The following BTBD9 variants were observed in gnomAD, a reference collection of about 807,000 sequenced individuals.
The protein encoded by BTBD9 is BTB domain containing 9.
A neutral mutation model predicts 64.3 loss-of-function variants in BTBD9; 49 were observed. The ratio of observed to expected loss-of-function variants is 0.76; its 90% CI spans 0.61 to 0.97. BTBD9 has a LOEUF of 0.97. Ranked by LOEUF, BTBD9 falls within the 50% of genes least tolerant of loss-of-function variation. BTBD9 has a pLI of 0.00. For missense variants in BTBD9, 598 were observed against 762.1 expected (o/e 0.78, Z 2.53); for synonymous variants, 260 against 274.7 (o/e 0.95, Z 0.53).
chr6:38,203,204 C>G (rs1234534245), intron 9 of BTBD9, among the ~76,000 whole-genome samples: 3 of 152,104 alleles, frequency 2.0e-5, no homozygotes, highest in African/African-American at 7.2e-5. Context: ...GAAAAAGGAA[C>G]TCTTATACAC....
intron 1 of BTBD9, among the ~76,000 whole-genome samples, chr6:38,622,694 A>G (rs1337971125): frequency 1.3e-5 from 2 of 152,166 alleles, no homozygotes; most frequent in East Asian, 1.9e-4. Flanking sequence ...TATGCATCCA[A>G]TGCAACCTGT....
chr6:38,315,200 G>T (rs181374928), intron 7 of BTBD9, among the ~76,000 whole-genome samples: 1 of 152,112 alleles, frequency 6.6e-6, no homozygotes, highest in Admixed American at 6.5e-5. Context: ...CTGGCTAAAG[G>T]TTTGTTGATT....
chr6:38,301,771 T>C (rs1020710148), intron 7 of BTBD9, among the ~76,000 whole-genome samples: 2 of 152,234 alleles, frequency 1.3e-5, no homozygotes, highest in African/African-American at 2.4e-5. Flanking sequence ...TTAGTCTTGC[T>C]AGCAGTCTAT....
At chr6:38,483,317 C>T (rs1192554400) in intron 6 of BTBD9, among the ~76,000 whole-genome samples, 1 of 152,054 alleles carries the variant, frequency 6.6e-6, no homozygotes, top group African/African-American at 2.4e-5. Context: ...TGCCCTCTCC[C>T]ATCTCCCCTC....
At chr6:38,221,676 G>C (rs1340577631) in intron 9 of BTBD9, among the ~76,000 whole-genome samples, 2 of 152,224 alleles carry the variant, frequency 1.3e-5, no homozygotes, top group African/African-American at 4.8e-5. Context: ...TCCCTCTGAA[G>C]AATAAGCAAT....
At chr6:38,246,047 T>G (rs1764186366) in intron 9 of BTBD9, among the ~76,000 whole-genome samples, 1 of 152,186 alleles carries the variant, frequency 6.6e-6, no homozygotes, top group African/African-American at 2.4e-5. Context: ...TTCATTTCCT[T>G]CTAGCTCCTT....
chr6:38,260,571 A>G (rs1764755812), intron 8 of BTBD9, among the ~76,000 whole-genome samples: 1 of 152,340 alleles, frequency 6.6e-6, no homozygotes, highest in Middle Eastern at 3.4e-3. Flanking sequence ...AGTATCATAT[A>G]TGTTCTAGTA....
chr6:38,551,436 C>T (rs562360042), intron 6 of BTBD9, among the ~76,000 whole-genome samples: 3 of 152,214 alleles, frequency 2.0e-5, no homozygotes, highest in Admixed American at 1.3e-4. Context: ...CAAAGTAGGC[C>T]GGGATCTAAC....
chr6:38,353,244 A>G (rs1428516541), intron 6 of BTBD9, among the ~76,000 whole-genome samples: 2 of 152,232 alleles, frequency 1.3e-5, no homozygotes, highest in East Asian at 1.9e-4. Flanking sequence ...GCATCTGGAA[A>G]GAGGAACTGA....
intron 6 of BTBD9, among the ~76,000 whole-genome samples, chr6:38,573,441 T>C (rs922058312): frequency 1.3e-5 from 2 of 152,162 alleles, no homozygotes; most frequent in African/African-American, 2.4e-5. Flanking sequence ...AGACTCTAAA[T>C]TGTCAATTTA....
Position 38,182,905 on chromosome 6 carries a change from T to C in BTBD9, c.1642-7723A>G, listed in dbSNP as rs1344792245. Among the ~76,000 whole-genome samples, 9 of 130,578 alleles carry C rather than the reference T, an allele frequency of 6.9e-5. No homozygotes were observed. The East Asian group carries it at 1.2e-3, about 17-fold the overall frequency. The allele number at this position is 130,578 out of a possible 152,430, so 85.7% of individuals were successfully genotyped here. A position where few individuals can be genotyped will look rare whatever the true frequency, so the allele number is the denominator to read the frequency against. On this transcript the variant is annotated intron_variant, in intron 10 of 10. Transcript: ENST00000481247. ...CAACCATATGTGCTCAATGTTGTCC[T>C]GCTTTTCCTCTCTTTTTTTCCAATA...
rs76374764 is a variant in BTBD9 at position 38,322,041 on chromosome 6, C to T, written c.1264+22943G>A. Among the ~76,000 whole-genome samples the T allele has an allele frequency of 6.9e-3, 1,049 of 151,870 alleles. 11 individuals carry two copies. The highest frequency in any genetic ancestry group is 0.024 in the African/African-American group (1,012 of 41,390). On this transcript the variant is annotated intron_variant, in intron 7 of 10. Transcript: ENST00000481247. ...GAATGCTGTGTATTAGTATATGAGA[C>T]AAAATGGTAGTTTTACAAAGCCCTG...
At chr6:38,305,811 C>T (rs529245250) in intron 7 of BTBD9, among the ~76,000 whole-genome samples, 1 of 152,194 alleles carries the variant, frequency 6.6e-6, no homozygotes, top group East Asian at 1.9e-4. Flanking sequence ...GTCTTTTATG[C>T]CCGAGGGGGA....
At chr6:38,617,504 T>G (rs1205523593) in intron 1 of BTBD9, among the ~76,000 whole-genome samples, 1 of 152,164 alleles carries the variant, frequency 6.6e-6, no homozygotes, top group African/African-American at 2.4e-5. Context: ...TGTTCCCTTC[T>G]TTAGGCACCC....
intron 7 of BTBD9, among the ~76,000 whole-genome samples, chr6:38,341,790 G>T (rs1259562318): frequency 6.6e-6 from 1 of 152,210 alleles, no homozygotes; most frequent in East Asian, 1.9e-4. Flanking sequence ...TCCCAGGAAA[G>T]AATACATTCT....
intron 6 of BTBD9, among the ~76,000 whole-genome samples, chr6:38,367,661 GCTTT>G (rs1378876809): frequency 6.6e-6 from 1 of 152,028 alleles, no homozygotes; most frequent in Non-Finnish European, 1.5e-5. Flanking sequence ...CACAAATGGT[GCTTT>G]CTTTATCAAT....
chr6:38,469,893 A>C (rs909782258), intron 6 of BTBD9, among the ~76,000 whole-genome samples: 3 of 152,238 alleles, frequency 2.0e-5, no homozygotes, highest in Admixed American at 2.0e-4. Context: ...GAAGCCATAC[A>C]AAATATTGTA....
intron 1 of BTBD9, among the ~76,000 whole-genome samples, chr6:38,604,874 A>T (rs986237455): frequency 2.6e-5 from 4 of 152,170 alleles, no homozygotes; most frequent in Admixed American, 2.6e-4. Context: ...ATGTGTTTGT[A>T]TGTATTTATT....
chr6:38,392,739 C>CT (rs1407421849), intron 6 of BTBD9, among the ~76,000 whole-genome samples: 1 of 152,020 alleles, frequency 6.6e-6, no homozygotes, highest in Non-Finnish European at 1.5e-5. Flanking sequence ...TAATGAACCT[C>CT]TAAGAGGGAA....
Sources: allele counts gnomAD v4.1 joint callset (sites outside exome capture counted in the v4.1 genomes callset), GRCh38; gene constraint gnomAD v4.1.1; transcripts MANE v1.5; gene names NCBI Gene and HGNC (gene_info 2026-07-23, HGNC 2026-07-21).